The following STRBP variants were observed in gnomAD, a reference collection of about 807,000 sequenced individuals.
STRBP encodes the protein spermatid perinuclear RNA-binding protein.
A neutral mutation model predicts 80.1 loss-of-function variants in STRBP; 13 were observed. The ratio of observed to expected loss-of-function variants is 0.16; its 90% confidence interval spans 0.11 to 0.26. The LOEUF (loss-of-function observed/expected upper bound fraction) is 0.26. Among genes scored for constraint, STRBP ranks in the 10% least tolerant of loss-of-function variants. The probability of loss-of-function intolerance (pLI) is 1.00; values close to 1 mark genes in which losing one functional copy is unlikely to be tolerated. For synonymous variants in STRBP, 284 were observed against 291.2 expected (o/e 0.98, Z 0.25); for missense variants, 485 against 815.2 (o/e 0.59, Z 4.93).
chr9:123,211,865 A>C (rs2039721309), intron 2 of STRBP, among the ~76,000 whole-genome samples: 1 of 152,178 alleles, frequency 6.6e-6, no homozygotes, highest in African/African-American at 2.4e-5. Flanking sequence ...ACTGCAACTG[A>C]GTAAGTACTC....
intron 1 of STRBP, among the ~76,000 whole-genome samples, chr9:123,257,540 C>T: frequency 6.6e-6 from 1 of 152,210 alleles, no homozygotes; most frequent in East Asian, 1.9e-4. Flanking sequence ...TCTGGCTGGG[C>T]ACACTGGCTC....
At chr9:123,229,687 G>A (rs572045605) in intron 2 of STRBP, among the ~76,000 whole-genome samples, 1 of 152,242 alleles carries the variant, frequency 6.6e-6, no homozygotes, top group South Asian at 2.1e-4. Context: ...GAGGAATGAG[G>A]GCAGAAGGCA....
chr9:123,125,174 CAACT>C lies in STRBP; in HGVS notation c.*419_*422del, dbSNP rs749788758. On this transcript the variant is annotated 3_prime_UTR_variant, in exon 19 of 19. Transcript: ENST00000348403. Reference sequence around the variant, plus strand: ...TGCCCTGGGGCAAATACATATCAATCAACTAAGAATCAGTGACTGCATCAGGAAC... The same window carrying C: ...TGCCCTGGGGCAAATACATATCAATCAAGAATCAGTGACTGCATCAGGAAC... 857 of 987,288 alleles carry C rather than the reference CAACT, an allele frequency of 8.7e-4. 1 individual carries two copies. Among genetic ancestry groups the C allele is most frequent in the South Asian group, 1.3e-3 (27 of 21,302 alleles). The allele number at this position is 987,288 out of a possible 1,614,324, so 61.2% of individuals were successfully genotyped here.
intron 1 of STRBP, among the ~76,000 whole-genome samples, chr9:123,264,050 G>A (rs2041217027): frequency 6.6e-6 from 1 of 152,188 alleles, no homozygotes; most frequent in South Asian, 2.1e-4. Context: ...GTGGTGGCGG[G>A]CACCTGTAGT....
In STRBP at chr9:123,184,298, C is replaced by G. The variant is rs1014496356; in HGVS notation, c.-164G>C. 5 of 527,636 alleles carry G rather than the reference C, an allele frequency of 9.5e-6. No individual in the cohort carries two copies. The highest frequency in any genetic ancestry group is 1.6e-5 in the Non-Finnish European group (5 of 307,342). 32.7% of individuals were successfully genotyped at this position (527,636 alleles called of 1,614,324 possible). ...CTGAAGGCTTGTTCTCTGGAACACA[C>G]CTGCAAGAGAAGAGGAAAACAACTT... On this transcript the variant is annotated splice_region_variant and 5_prime_UTR_variant, in exon 3 of 19. Coordinates refer to ENST00000348403, the MANE Select transcript of STRBP (RefSeq NM_018387.5).
chr9:123,216,160 T>C (rs1159119088), intron 2 of STRBP, among the ~76,000 whole-genome samples: 2 of 152,180 alleles, frequency 1.3e-5, no homozygotes, highest in African/African-American at 2.4e-5. Context: ...CCTGTACCGC[T>C]ACCCCCTTCC....
At chr9:123,127,462 T>C (rs560933188) in intron 18 of STRBP, among the ~76,000 whole-genome samples, 1 of 152,340 alleles carries the variant, frequency 6.6e-6, no homozygotes, top group South Asian at 2.1e-4. Flanking sequence ...TGGCTGATTC[T>C]ATAACATGTA....
intron 13 of STRBP, among the ~76,000 whole-genome samples, chr9:123,146,407 G>A (rs371671818): frequency 6.6e-6 from 1 of 150,940 alleles, no homozygotes; most frequent in African/African-American, 2.4e-5. Context: ...ATAGTTTCCC[G>A]TAGCATGTTA....
intron 11 of STRBP, among the ~76,000 whole-genome samples, chr9:123,157,054 C>G (rs1392599209): frequency 2.6e-5 from 4 of 152,110 alleles, no homozygotes; most frequent in African/African-American, 9.7e-5. Context: ...AGGGTAATAT[C>G]CCTAGTGAGA....
chr9:123,115,769 G>T lies in STRBP; in HGVS notation c.*84+160C>A. ...AACCGGCTTCTTGCTTGAACATGCT[G>T]GTTACAGGGAGCTCATGTCGCACCT... On this transcript the variant is annotated intron_variant and NMD_transcript_variant, in intron 3 of 3. Transcript: ENST00000471564. The surrounding 1 kb of genome is among the most constrained non-coding windows in gnomAD (Gnocchi z 5.0). 1 of 342,208 alleles carries T rather than the reference G, an allele frequency of 2.9e-6. No homozygotes were observed. Among genetic ancestry groups the T allele is most frequent in the South Asian group, 2.3e-5 (1 of 42,934 alleles). 21.2% of individuals were successfully genotyped at this position (342,208 alleles called of 1,614,324 possible).
At chr9:123,240,305 T>C (rs1406581667) in intron 1 of STRBP, among the ~76,000 whole-genome samples, 1 of 152,330 alleles carries the variant, frequency 6.6e-6, no homozygotes, top group Non-Finnish European at 1.5e-5. Flanking sequence ...CATTATATTA[T>C]TATGTATAAA....
intron 2 of STRBP, among the ~76,000 whole-genome samples, chr9:123,213,316 AG>A (rs1171193439): frequency 6.6e-6 from 1 of 152,188 alleles, no homozygotes; most frequent in Non-Finnish European, 1.5e-5. Flanking sequence ...ACAAAATCTC[AG>A]TTATTCAGAA....
intron 2 of STRBP, among the ~76,000 whole-genome samples, chr9:123,187,970 T>C (rs1349812769): frequency 6.6e-6 from 1 of 152,074 alleles, no homozygotes; most frequent in Non-Finnish European, 1.5e-5. Context: ...TCATACAAAA[T>C]AGTTTTAGTT....
chr9:123,216,775 C>T (rs2039912548), intron 2 of STRBP, among the ~76,000 whole-genome samples: 1 of 152,186 alleles, frequency 6.6e-6, no homozygotes, highest in Non-Finnish European at 1.5e-5. Context: ...TTTTATCTCC[C>T]ATGTTCCATA....
At chr9:123,218,459 T>A (rs1374686821) in intron 2 of STRBP, among the ~76,000 whole-genome samples, 1 of 138,498 alleles carries the variant, frequency 7.2e-6, no homozygotes, top group Non-Finnish European at 1.5e-5. Flanking sequence ...AAGCTCCGCC[T>A]CCCGGGTTCA....
chr9:123,164,657 C>A (rs958161937), intron 6 of STRBP, among the ~76,000 whole-genome samples: 3 of 152,148 alleles, frequency 2.0e-5, no homozygotes, highest in Non-Finnish European at 1.5e-5. Context: ...CTAGGCTCTT[C>A]AAAGTTAAAA....
chr9:123,265,734 C>G (rs530392301), intron 1 of STRBP, among the ~76,000 whole-genome samples: 13 of 152,286 alleles, frequency 8.5e-5, no homozygotes, highest in African/African-American at 3.1e-4. Context: ...TATGTCCGCC[C>G]AACCCATAAG....
rs754381220 is a variant in STRBP, at chr9:123,136,007, A to G, written c.1773+34T>C. On this transcript the variant is annotated intron_variant, in intron 16 of 18. Coordinates refer to ENST00000348403, the MANE Select transcript of STRBP (RefSeq NM_018387.5). The surrounding 1 kb of genome is among the most constrained non-coding windows in gnomAD (Gnocchi z 4.2). ...AAATTTAATTCCTCTAACATTTTTC[A>G]CAGGTTCTGCAAAGGTTTAATGTTT... is the stretch of plus-strand genomic sequence containing the variant. The G allele has an allele frequency of 6.2e-7, 1 of 1,602,812 alleles. No individual in the cohort carries two copies. Among genetic ancestry groups the G allele is most frequent in the Non-Finnish European group, 8.5e-7 (1 of 1,173,794 alleles).
At chr9:123,206,984 C>A (rs1280123129) in intron 2 of STRBP, among the ~76,000 whole-genome samples, 1 of 152,086 alleles carries the variant, frequency 6.6e-6, no homozygotes, top group Non-Finnish European at 1.5e-5. Flanking sequence ...ATCTAATCAA[C>A]CAACTTTCCG....
Sources: allele counts gnomAD v4.1 joint callset (sites outside exome capture counted in the v4.1 genomes callset), GRCh38; gene constraint gnomAD v4.1.1; non-coding constraint Gnocchi (gnomAD v3.1); transcripts MANE v1.5; gene names NCBI Gene and HGNC (gene_info 2026-07-23, HGNC 2026-07-21).